Variants in FGF14 observed in about 807,000 individuals in gnomAD.
The protein encoded by FGF14 is fibroblast growth factor homologous factor 4.
FGF14 carries 5 observed loss-of-function variants against 25.5 expected under a neutral mutation model. The observed-to-expected ratio is 0.20, with a 90% confidence interval of 0.10 to 0.41. The LOEUF (loss-of-function observed/expected upper bound fraction) is 0.41. Ranked by LOEUF, FGF14 falls within the 10% of genes least tolerant of loss-of-function variation. The probability of loss-of-function intolerance (pLI) is 1.00; values close to 1 mark genes in which losing one functional copy is unlikely to be tolerated. For synonymous variants in FGF14, 138 were observed against 118.3 expected (o/e 1.17, Z -1.08); for missense variants, 222 against 320.1 (o/e 0.69, Z 2.34).
intron 1 of FGF14, among the ~76,000 whole-genome samples, chr13:102,215,793 A>G: frequency 6.6e-6 from 1 of 152,176 alleles, no homozygotes; most frequent in Non-Finnish European, 1.5e-5. Context: ...CTCTTCTTTT[A>G]TTTTTGAGTG....
chr13:101,927,632 T>C (rs1480857078), intron 1 of FGF14, among the ~76,000 whole-genome samples: 1 of 152,226 alleles, frequency 6.6e-6, no homozygotes, highest in Non-Finnish European at 1.5e-5. Flanking sequence ...CCCAGCTCTT[T>C]GTCATAGGTT....
intron 1 of FGF14, among the ~76,000 whole-genome samples, chr13:101,876,357 G>A (rs79470104): frequency 0.035 from 5,286 of 152,262 alleles, 330 homozygotes; most frequent in African/African-American, 0.12. Flanking sequence ...ATCCGCTGTC[G>A]AAACAGTCGG....
At chr13:102,066,690 T>C (rs1050761282) in intron 1 of FGF14, among the ~76,000 whole-genome samples, 1 of 152,210 alleles carries the variant, frequency 6.6e-6, no homozygotes. Context: ...ACTCTCTCCT[T>C]GTTCTTAGGA....
At chr13:102,266,883 C>T (rs1009839645) in intron 1 of FGF14, among the ~76,000 whole-genome samples, 11 of 152,072 alleles carry the variant, frequency 7.2e-5, no homozygotes, top group African/African-American at 2.2e-4. Context: ...AACATATAAA[C>T]TCACTGGAGA....
chr13:102,020,133 G>A (rs1308276359), intron 1 of FGF14, among the ~76,000 whole-genome samples: 2 of 152,110 alleles, frequency 1.3e-5, no homozygotes, highest in African/African-American at 4.8e-5. Context: ...TCTGAGAAAG[G>A]GATGGGATTT....
Position 102,300,946 on chromosome 13 carries a change from C to G in FGF14, c.208+100525G>C, listed in dbSNP as rs1594780718. On this transcript the variant is annotated intron_variant, in intron 1 of 4. Coordinates refer to the FGF14 transcript ENST00000376131. ...ACACACACACACACACATACACACA[C>G]ACACACACACACACACACGTTTAAC... Among the ~76,000 whole-genome samples the G allele has an allele frequency of 5.3e-5, 8 of 150,738 alleles. No homozygotes were observed. In the South Asian group the frequency reaches 1.7e-3, roughly 32 times the overall value.
At chr13:101,916,311 G>T in intron 1 of FGF14, 142 bp downstream of exon 1, 1 of 1,018,634 alleles carries the variant, frequency 9.8e-7, no homozygotes, top group South Asian at 1.4e-5. Flanking sequence ...GGGTCCCCGC[G>T]ACGGCACCCA....
chr13:101,924,152 A>G (rs1403759599), intron 1 of FGF14, among the ~76,000 whole-genome samples: 1 of 152,106 alleles, frequency 6.6e-6, no homozygotes, highest in African/African-American at 2.4e-5. Flanking sequence ...TCAATTTCCA[A>G]GAAAGTTTGA....
chr13:102,346,936 A>G (rs1191827755), intron 1 of FGF14, among the ~76,000 whole-genome samples: 3 of 152,196 alleles, frequency 2.0e-5, no homozygotes, highest in Non-Finnish European at 4.4e-5. Flanking sequence ...ATTCTAATGG[A>G]GTGGAAAACC....
At chr13:101,746,422 G>A (rs1425207206) in intron 3 of FGF14, among the ~76,000 whole-genome samples, 2 of 151,942 alleles carry the variant, frequency 1.3e-5, no homozygotes, top group African/African-American at 4.8e-5. Flanking sequence ...TATACTGACA[G>A]TATTTATTAT....
intron 1 of FGF14, among the ~76,000 whole-genome samples, chr13:102,302,756 T>C (rs1025689278): frequency 2.0e-4 from 31 of 152,280 alleles, no homozygotes; most frequent in Middle Eastern, 3.4e-3. Flanking sequence ...ACTTCCAGCA[T>C]ATGTCCAGAA....
intron 3 of FGF14, among the ~76,000 whole-genome samples, chr13:101,780,462 A>T (rs1230397093): frequency 6.6e-6 from 1 of 152,156 alleles, no homozygotes; most frequent in Non-Finnish European, 1.5e-5. Context: ...CACTATGCCA[A>T]TGTCAATCTA....
At chr13:101,928,143 A>G (rs534578117) in intron 1 of FGF14, among the ~76,000 whole-genome samples, 2 of 152,290 alleles carry the variant, frequency 1.3e-5, no homozygotes, top group East Asian at 3.9e-4. Flanking sequence ...CTGCATGTGG[A>G]AGGAAGTGGA....
At chr13:102,343,398 C>A (rs1458911986) in intron 1 of FGF14, among the ~76,000 whole-genome samples, 2 of 152,146 alleles carry the variant, frequency 1.3e-5, no homozygotes, top group African/African-American at 4.8e-5. Flanking sequence ...CTGAGGAATT[C>A]TAGGCACTGT....
chr13:102,298,147 C>A (rs1251403625), intron 1 of FGF14, among the ~76,000 whole-genome samples: 1 of 152,008 alleles, frequency 6.6e-6, no homozygotes, highest in Non-Finnish European at 1.5e-5. Flanking sequence ...TACATGTGTT[C>A]TCATGCCATA....
chr13:101,921,193 G>C (rs747865845), upstream of FGF14, among the ~76,000 whole-genome samples: 6 of 152,138 alleles, frequency 3.9e-5, no homozygotes, highest in Non-Finnish European at 4.4e-5. Flanking sequence ...TTAGGTCTCA[G>C]CATAGATATC....
chr13:101,925,346 C>T (rs1282882391), intron 1 of FGF14, among the ~76,000 whole-genome samples: 1 of 152,172 alleles, frequency 6.6e-6, no homozygotes. Flanking sequence ...AATTATATGA[C>T]CTGAAAGCGT....
At chr13:101,847,465 G>A (rs1358831815) in intron 3 of FGF14, among the ~76,000 whole-genome samples, 1 of 152,078 alleles carries the variant, frequency 6.6e-6, no homozygotes, top group African/African-American at 2.4e-5. Context: ...GTAATAGACA[G>A]TAAACTAGTG....
At position 102,345,045 on chromosome 13, in the gene FGF14, G is replaced by A. The variant is rs1455017847; in HGVS notation, c.208+56426C>T. ...AATTTTACTGAATTTCAAGTGAGGG[G>A]CCATGTAATACAACCTCTGGTTTAT... On this transcript the variant is annotated intron_variant, in intron 1 of 4. Transcript: ENST00000376131. Among the ~76,000 whole-genome samples, 3 of 152,154 alleles carry A rather than the reference G, an allele frequency of 2.0e-5. No individual in the cohort carries two copies. In the East Asian group the frequency reaches 5.8e-4, roughly 29 times the overall value.
Sources: allele counts gnomAD v4.1 joint callset (sites outside exome capture counted in the v4.1 genomes callset), GRCh38; gene constraint gnomAD v4.1.1; transcripts MANE v1.5; gene names NCBI Gene and HGNC (gene_info 2026-07-23, HGNC 2026-07-21).